Variants in LNPEP observed in about 807,000 individuals in gnomAD.
LNPEP encodes the protein leucyl and cystinyl aminopeptidase.
In LNPEP, 64 loss-of-function variants were observed where a neutral mutation model predicts 120.6. The observed-to-expected ratio is 0.53, with a 90% CI of 0.43 to 0.65. The LOEUF (loss-of-function observed/expected upper bound fraction) is 0.65, where lower values mean the gene tolerates loss of function less well. Among genes scored for constraint, LNPEP ranks in the 30% least tolerant of loss-of-function variants. The probability of loss-of-function intolerance (pLI) is 0.00; values close to 1 mark genes in which losing one functional copy is unlikely to be tolerated. For missense variants in LNPEP, 1,057 were observed against 1,200.0 expected (o/e 0.88, Z 1.76); for synonymous variants, 435 against 425.4 (o/e 1.02, Z -0.28).
chr5:97,018,388 A>T (rs17087222), intron 13 of LNPEP, among the ~76,000 whole-genome samples: 1 of 151,988 alleles, frequency 6.6e-6, no homozygotes, highest in Non-Finnish European at 1.5e-5. Flanking sequence ...TCTTCATCCC[A>T]GATGATTTCC....
chr5:97,012,993 A>ACACATTTT (rs1473938632), intron 11 of LNPEP, among the ~76,000 whole-genome samples: 2 of 152,224 alleles, frequency 1.3e-5, no homozygotes, highest in East Asian at 3.8e-4. Context: ...CAAAAGACAG[A>ACACATTTT]GGCCAAAATG....
intron 4 of LNPEP, among the ~76,000 whole-genome samples, chr5:96,991,630 G>C (rs1790390765): frequency 6.6e-6 from 1 of 152,080 alleles, no homozygotes; most frequent in Non-Finnish European, 1.5e-5. Flanking sequence ...GTCTTTTCAT[G>C]TCCTTAGCCT....
intron 14 of LNPEP, among the ~76,000 whole-genome samples, chr5:97,023,241 A>ATTTC (rs756501111): frequency 8.0e-4 from 122 of 151,868 alleles, no homozygotes; most frequent in African/African-American, 2.9e-3. Flanking sequence ...ATGCATTAAA[A>ATTTC]TTTCTTTCTT....
At chr5:97,000,323 A>C (rs1026749908) in intron 8 of LNPEP, among the ~76,000 whole-genome samples, 1 of 152,156 alleles carries the variant, frequency 6.6e-6, no homozygotes, top group African/African-American at 2.4e-5. Flanking sequence ...TAACCAATGT[A>C]TAGTGCTTGT....
chr5:97,006,673 A>G (rs766832097), intron 11 of LNPEP, among the ~76,000 whole-genome samples, 158 bp downstream of exon 11: 3 of 152,252 alleles, frequency 2.0e-5, no homozygotes, highest in Non-Finnish European at 4.4e-5. Flanking sequence ...GATTCTGTAT[A>G]TCATGCACAA....
intron 1 of LNPEP, among the ~76,000 whole-genome samples, chr5:96,973,521 C>T (rs975291703): frequency 1.3e-5 from 2 of 151,858 alleles, no homozygotes; most frequent in Non-Finnish European, 2.9e-5. Context: ...AGACTTTTTT[C>T]CTTGTTACTA....
At chr5:96,938,844 G>T (rs1042141445) in intron 1 of LNPEP, among the ~76,000 whole-genome samples, 8 of 152,150 alleles carry the variant, frequency 5.3e-5, no homozygotes, top group Admixed American at 4.6e-4. Context: ...TGGACATCTG[G>T]TCTGGGTTTG....
Position 96,993,878 on chromosome 5 carries a change from C to A in LNPEP, c.1314C>A (p.Phe438Leu). 6.2e-7 allele frequency: 1 copy of A among 1,613,854 alleles called. No individual in the cohort carries two copies. Among genetic ancestry groups the A allele is most frequent in the Non-Finnish European group, 8.5e-7 (1 of 1,179,816 alleles). Residue 438 changes from phenylalanine (F) to leucine (L), a missense_variant, in exon 6 of 18, where the codon TTC (phenylalanine) becomes TTA (leucine). Physicochemically the swap from Phe to Leu is conservative, Grantham distance 22. Transcript: ENST00000231368. Reference sequence around the variant, plus strand: ...TGGAAAATTGGGGTTTGCTCACCTTCCGAGAGGAGACACTTCTGTATGACA... The same window carrying A: ...TGGAAAATTGGGGTTTGCTCACCTTACGAGAGGAGACACTTCTGTATGACA... ...GAMENWGLLT[F>L]REETLLYDSN...
At chr5:97,021,808 C>T (rs1561455214) in intron 13 of LNPEP, among the ~76,000 whole-genome samples, 1 of 150,418 alleles carries the variant, frequency 6.6e-6, no homozygotes. Context: ...ATGTGGGTTT[C>T]ATATGTCAGT....
At chr5:97,005,130 G>C (rs554044330) in intron 9 of LNPEP, among the ~76,000 whole-genome samples, 1 of 152,210 alleles carries the variant, frequency 6.6e-6, no homozygotes, top group South Asian at 2.1e-4. Flanking sequence ...ATAAATACAA[G>C]TTTAATTAAA....
intron 1 of LNPEP, chr5:96,942,803 A>ACATAGCACAT (rs1323167272): frequency 6.6e-6 from 1 of 152,452 alleles, no homozygotes. Context: ...CAGCACACCA[A>ACATAGCACAT]CATAGCACAT....
intron 13 of LNPEP, among the ~76,000 whole-genome samples, chr5:97,021,824 T>C (rs1271185658): frequency 1.3e-5 from 2 of 151,746 alleles, no homozygotes; most frequent in Admixed American, 6.6e-5. Context: ...TCAGTTGATA[T>C]TTAATGAGTA....
chr5:96,949,661 C>T (rs1329081547), intron 1 of LNPEP, among the ~76,000 whole-genome samples: 1 of 152,100 alleles, frequency 6.6e-6, no homozygotes, highest in Non-Finnish European at 1.5e-5. Context: ...CAATATGCAG[C>T]ACCTCATTAT....
chr5:96,946,791 C>CA (rs139538494), intron 1 of LNPEP, among the ~76,000 whole-genome samples: 1 of 152,148 alleles, frequency 6.6e-6, no homozygotes, highest in Non-Finnish European at 1.5e-5. Flanking sequence ...AAAAGTATTA[C>CA]AAAAAATTAT....
At chr5:97,005,355 T>G (rs1489841323) in intron 9 of LNPEP, among the ~76,000 whole-genome samples, 1 of 152,112 alleles carries the variant, frequency 6.6e-6, no homozygotes, top group African/African-American at 2.4e-5. Context: ...TGCTTCTTAG[T>G]TATTGATACT....
intron 11 of LNPEP, chr5:97,010,538 C>T: frequency 1.0e-6 from 1 of 985,160 alleles, no homozygotes; most frequent in South Asian, 4.7e-5. Context: ...CTGGAGCAAA[C>T]TGTACAGGAA....
intron 4 of LNPEP, among the ~76,000 whole-genome samples, chr5:96,987,646 T>A (rs1455620118): frequency 6.6e-6 from 1 of 152,256 alleles, no homozygotes; most frequent in Admixed American, 6.5e-5. Context: ...GTAATAATAC[T>A]GTATGCCTTT....
chr5:96,971,907 T>A (rs1789873341), intron 1 of LNPEP, among the ~76,000 whole-genome samples: 1 of 152,116 alleles, frequency 6.6e-6, no homozygotes, highest in Non-Finnish European at 1.5e-5. Flanking sequence ...TTATTTATAA[T>A]GGCTACTCTA....
chr5:96,968,729 A>T (rs1789787909), intron 1 of LNPEP, among the ~76,000 whole-genome samples: 1 of 152,096 alleles, frequency 6.6e-6, no homozygotes, highest in African/African-American at 2.4e-5. Flanking sequence ...AGGGAGAAAA[A>T]AAGCCTATGG....
Sources: gnomAD v4.1 joint callset for allele counts (sites outside exome capture counted in the v4.1 genomes callset) on GRCh38, gnomAD v4.1.1 for gene constraint, MANE v1.5 for transcripts, NCBI Gene and HGNC (gene_info 2026-07-23, HGNC 2026-07-21) for gene names.